The following MAD1L1 variants were observed in gnomAD, a reference collection of about 807,000 sequenced individuals.
MAD1L1 encodes mitotic arrest deficient 1 like 1, also known as mitotic spindle assembly checkpoint protein MAD1.
A neutral mutation model predicts 96.9 loss-of-function variants in MAD1L1; 95 were observed. The observed-to-expected ratio is 0.98, with a 90% CI of 0.83 to 1.16. The LOEUF (loss-of-function observed/expected upper bound fraction) is 1.16. MAD1L1 is among the 50% of genes most tolerant of loss of function. The pLI, the probability that MAD1L1 is intolerant of heterozygous loss-of-function variation, is 0.00. For synonymous variants in MAD1L1, 473 were observed against 396.6 expected (o/e 1.19, Z -2.29); for missense variants, 1,007 against 954.4 (o/e 1.06, Z -0.73).
intron 11 of MAD1L1, among the ~76,000 whole-genome samples, chr7:2,087,180 T>C (rs11973308): frequency 0.094 from 14,364 of 152,176 alleles, 720 homozygotes; most frequent in African/African-American, 0.13. Flanking sequence ...TGGTGGGGGA[T>C]GCTCAGTGCA....
At chr7:1,912,163 C>T (rs1788057362) in intron 17 of MAD1L1, among the ~76,000 whole-genome samples, 1 of 152,158 alleles carries the variant, frequency 6.6e-6, no homozygotes, top group Non-Finnish European at 1.5e-5. Context: ...GCGGCAGGGG[C>T]CCTGCGTGCG....
intron 12 of MAD1L1, among the ~76,000 whole-genome samples, chr7:2,060,297 A>AC (rs892379542): frequency 6.7e-6 from 1 of 150,238 alleles, no homozygotes; most frequent in African/African-American, 2.5e-5. Flanking sequence ...ATCCCGAGAT[A>AC]CGCCGATCCC....
chr7:2,101,350 T>A (rs1418613578), intron 11 of MAD1L1, among the ~76,000 whole-genome samples: 1 of 112,990 alleles, frequency 8.9e-6, no homozygotes, highest in Admixed American at 9.1e-5. Context: ...AGGGTCTCCA[T>A]CCAGGTGGGT....
intron 18 of MAD1L1, among the ~76,000 whole-genome samples, chr7:1,889,774 G>T (rs112627544): frequency 0.1 from 15,351 of 151,874 alleles, 2,533 homozygotes; most frequent in African/African-American, 0.34. Context: ...TTTGTGGCTT[G>T]GCCCTTCCTC....
chr7:1,876,990 T>C (rs1785420952), intron 18 of MAD1L1, among the ~76,000 whole-genome samples: 1 of 141,076 alleles, frequency 7.1e-6, no homozygotes, highest in Non-Finnish European at 1.6e-5. Flanking sequence ...TTTAAATAGG[T>C]GAATACACTT....
At chr7:1,871,541 T>C (rs1196547311) in intron 18 of MAD1L1, among the ~76,000 whole-genome samples, 1 of 102,562 alleles carries the variant, frequency 9.8e-6, no homozygotes, top group African/African-American at 3.9e-5. Flanking sequence ...GAACCCAACA[T>C]ATGCCTGCCA....
chr7:1,900,853 G>C (rs1274345546), intron 17 of MAD1L1, among the ~76,000 whole-genome samples: 9 of 152,198 alleles, frequency 5.9e-5, no homozygotes. Flanking sequence ...TGGAAGTTCC[G>C]GGGCTCCAGG....
chr7:2,102,294 G>A (rs559818898), intron 11 of MAD1L1, among the ~76,000 whole-genome samples: 122 of 67,200 alleles, frequency 1.8e-3, no homozygotes, highest in African/African-American at 4.1e-3. Context: ...CACCGCCACT[G>A]TCACCATCAC....
At chr7:2,020,743 G>A (rs921175988) in intron 12 of MAD1L1, among the ~76,000 whole-genome samples, 1 of 150,362 alleles carries the variant, frequency 6.7e-6, no homozygotes, top group African/African-American at 2.5e-5. Context: ...AGACGACAGC[G>A]GCCTAAGCAA....
At chr7:2,072,067 A>C (rs983049775) in intron 11 of MAD1L1, among the ~76,000 whole-genome samples, 2 of 152,248 alleles carry the variant, frequency 1.3e-5, no homozygotes, top group African/African-American at 4.8e-5. Flanking sequence ...GGGAATCCCA[A>C]CTGGGTGGTA....
chr7:1,965,772 T>TTCCTCCCTG (rs1780140384), intron 15 of MAD1L1, among the ~76,000 whole-genome samples: 1 of 152,254 alleles, frequency 6.6e-6, no homozygotes, highest in Non-Finnish European at 1.5e-5. Flanking sequence ...TAGCTGCGTT[T>TTCCTCCCTG]TCCTCCCTGT....
intron 18 of MAD1L1, among the ~76,000 whole-genome samples, chr7:1,860,717 T>C (rs767629989): frequency 2.6e-4 from 40 of 152,252 alleles, no homozygotes; most frequent in Non-Finnish European, 4.7e-4. Context: ...CCCCTGGGCA[T>C]CATCCTGGGC....
chr7:1,942,308 A>G (rs1368862762), intron 16 of MAD1L1, among the ~76,000 whole-genome samples: 1 of 152,214 alleles, frequency 6.6e-6, no homozygotes, highest in East Asian at 1.9e-4. Flanking sequence ...CTGGGGGCCC[A>G]GGACCTCTGC....
intron 12 of MAD1L1, among the ~76,000 whole-genome samples, chr7:2,015,566 G>A (rs1229217404): frequency 5.9e-5 from 9 of 152,240 alleles, no homozygotes; most frequent in African/African-American, 1.7e-4. Context: ...GGGAAGTGTG[G>A]TCTTCCCTCT....
intron 14 of MAD1L1, 106 bp downstream of exon 14, chr7:2,001,959 G>T: frequency 1.7e-6 from 2 of 1,169,452 alleles, no homozygotes; most frequent in Non-Finnish European, 2.5e-6. Flanking sequence ...AGAAGAGGCA[G>T]CCATGCACTG....
At chr7:2,125,225 G>A (rs1459127803) in intron 11 of MAD1L1, among the ~76,000 whole-genome samples, 1 of 152,198 alleles carries the variant, frequency 6.6e-6, no homozygotes, top group East Asian at 1.9e-4. Flanking sequence ...GTGCACTCCA[G>A]CAGGTCCTGG....
chr7:1,824,543 A>G (rs1221222104), intron 18 of MAD1L1, among the ~76,000 whole-genome samples: 1 of 152,104 alleles, frequency 6.6e-6, no homozygotes. Context: ...CTGGGAAGTG[A>G]GCTGCTCCCG....
intron 10 of MAD1L1, among the ~76,000 whole-genome samples, chr7:2,173,152 CTAAGT>C (rs1330729823): frequency 6.6e-6 from 1 of 152,228 alleles, no homozygotes; most frequent in East Asian, 1.9e-4. Flanking sequence ...AGCAAACACT[CTAAGT>C]TATTTGAGTC....
chr7:2,009,244 T>C (rs2128495608), intron 13 of MAD1L1, among the ~76,000 whole-genome samples: 1 of 152,278 alleles, frequency 6.6e-6, no homozygotes, highest in Non-Finnish European at 1.5e-5. Flanking sequence ...TTGCTGCCTG[T>C]GATCCAACAC....
Sources: gnomAD v4.1 joint callset for allele counts (sites outside exome capture counted in the v4.1 genomes callset) on GRCh38, gnomAD v4.1.1 for gene constraint, MANE v1.5 for transcripts, NCBI Gene and HGNC (gene_info 2026-07-23, HGNC 2026-07-21) for gene names.